Variants in CRNN observed in about 807,000 individuals in gnomAD.
CRNN encodes the protein cornulin.
In CRNN, 39 loss-of-function variants were observed where a neutral mutation model predicts 44.7. The ratio of observed to expected loss-of-function variants is 0.87; its 90% CI spans 0.68 to 1.14. The LOEUF (loss-of-function observed/expected upper bound fraction) is 1.14. Ranked by LOEUF, CRNN falls within the 50% of genes most tolerant of loss-of-function variation. The probability of loss-of-function intolerance (pLI) is 0.00; values close to 1 mark genes in which losing one functional copy is unlikely to be tolerated. For synonymous variants in CRNN, 240 were observed against 231.8 expected, an observed-to-expected ratio of 1.04 and a Z score of -0.32; for missense variants, 606 against 605.1, an observed-to-expected ratio of 1.00 and a Z score of -0.02.
At chr1:152,411,437 C>T (rs1655762703) in intron 2 of CRNN, among the ~76,000 whole-genome samples, 1 of 152,212 alleles carries the variant, frequency 6.6e-6, no homozygotes, top group Admixed American at 6.5e-5. Flanking sequence ...TGCAGCGCTG[C>T]CCTGAGCATG....
chr1:152,412,032 T>C, intron 2 of CRNN, 64 bp downstream of exon 2: 1 of 1,508,348 alleles, frequency 6.6e-7, no homozygotes, highest in East Asian at 2.4e-5. Flanking sequence ...GCAAGGCCTC[T>C]GCAGGCAAAC....
At chr1:152,413,285 T>C (rs570375846) in intron 1 of CRNN, among the ~76,000 whole-genome samples, 2 of 152,284 alleles carry the variant, frequency 1.3e-5, no homozygotes, top group African/African-American at 4.8e-5. Flanking sequence ...AGGTGAGGCC[T>C]GGGTTTGGTT....
intron 2 of CRNN, among the ~76,000 whole-genome samples, chr1:152,411,679 C>T (rs759869140): frequency 6.6e-6 from 1 of 152,140 alleles, no homozygotes; most frequent in Non-Finnish European, 1.5e-5. Flanking sequence ...CTGCTTCGTG[C>T]AAGCCCAGAG....
At chr1:152,411,982 G>C in intron 2 of CRNN, 114 bp downstream of exon 2, 1 of 1,173,962 alleles carries the variant, frequency 8.5e-7, no homozygotes, top group Non-Finnish European at 1.2e-6. Context: ...ATCTGTCCCG[G>C]CAGGCCTGGG....
At position 152,410,479 on chromosome 1, in the gene CRNN, AT is replaced by A; in HGVS notation, c.602del (p.Asn201IlefsTer6). On this transcript the variant is annotated frameshift_variant, in exon 3 of 3. Transcript: ENST00000271835. LOFTEE classifies it high-confidence loss of function. ...QTQKAGEGKRNQTTEMRPERQ... is the reference protein window; with the variant it reads ...QTQKAGEGKRXQTTEMRPERQ... ...TCTCTGGCCTCATCTCTGTTGTCTG[AT>A]TCCTCTTGCCTTCTCCAGCTTTCTG... 6.2e-7 allele frequency: 1 copy of A among 1,613,748 alleles called. No homozygotes were observed. Among genetic ancestry groups the A allele is most frequent in the East Asian group, 2.2e-5 (1 of 44,850 alleles).
At chr1:152,411,032 T>G in intron 2 of CRNN, 89 bp from the exon 3 acceptor site, 2 of 1,493,386 alleles carry the variant, frequency 1.3e-6, no homozygotes, top group African/African-American at 1.4e-5. Context: ...TTCCCCTGCC[T>G]CAGACCCCAC....
At position 152,412,148 on chromosome 1, in the gene CRNN, G is replaced by C; in HGVS notation, c.86C>G (p.Thr29Ser). ...ARTEGNCTAL[T>S]RGELKRLLEQ... ...CAAGAGTCTTTTCAGCTCCCCTCGGGTGAGCGCTGTGCAGTTGCCCTCCGT... is the reference window on the plus strand; with the variant it reads ...CAAGAGTCTTTTCAGCTCCCCTCGGCTGAGCGCTGTGCAGTTGCCCTCCGT... The change falls in exon 2 of 3, where the codon ACC becomes AGC. Residue 29 changes from threonine (T) to serine (S), a missense_variant. Coordinates refer to ENST00000271835, the MANE Select transcript of CRNN (RefSeq NM_016190.3). 1.9e-6 allele frequency: 3 copies of C among 1,613,558 alleles called. No individual in the cohort carries two copies. Among genetic ancestry groups the C allele is most frequent in the Non-Finnish European group, 2.5e-6 (3 of 1,179,560 alleles).
rs148862035 is a variant in CRNN at position 152,409,900 on chromosome 1, C to T, written c.1182G>A (p.Glu394=). 83 of 1,614,240 alleles carry T rather than the reference C, an allele frequency of 5.1e-5. No individual in the cohort carries two copies. The African/African-American group carries it at 8.8e-4, about 17-fold the overall frequency. The change falls in exon 3 of 3, where the codon GAG becomes GAA. Residue 394 remains glutamate (E), a synonymous_variant. Coordinates refer to ENST00000271835, the MANE Select transcript of CRNN (RefSeq NM_016190.3). The part of the protein sequence containing the change: ...GQRWMQVSNP[E]AGETVPGGQA... ...GTCCTCCCGGTACTGTCTCTCCTGC[C>T]TCAGGGTTGCTCACTTGCATCCATC...
rs768733304 is a variant in CRNN, at chr1:152,410,000, TCCTGCTCCACAGTCTCGGTGTGTGAC to T, written c.1056_1081del (p.Ser353GlnfsTer11). 3.7e-6 allele frequency: 6 copies of T among 1,614,136 alleles called. No homozygotes were observed. The South Asian group carries it at 6.6e-5, about 18-fold the overall frequency. On this transcript the variant is annotated frameshift_variant, in exon 3 of 3. Coordinates refer to ENST00000271835, the MANE Select transcript of CRNN (RefSeq NM_016190.3). LOFTEE classifies it high-confidence loss of function. ...TCCGTGGCTTACAGTTTGGCTTCTG[TCCTGCTCCACAGTCTCGGTGTGTGAC>T]CCTGCCTGTATCTGAGTGTGTCCTC...
chr1:152,409,422 G>A lies in CRNN; in HGVS notation c.*172C>T. The A allele has an allele frequency of 1.6e-6, 2 of 1,248,434 alleles. No homozygotes were observed. Among genetic ancestry groups the A allele is most frequent in the Non-Finnish European group, 1.1e-6 (1 of 929,192 alleles). The allele number at this position is 1,248,434 out of a possible 1,614,324, so 77.3% of individuals were successfully genotyped here. On this transcript the variant is annotated 3_prime_UTR_variant, in exon 3 of 3. Coordinates refer to ENST00000271835, the MANE Select transcript of CRNN (RefSeq NM_016190.3). Reference sequence around the variant, plus strand: ...ACCGCAAAGCAGGTAAGAAAGAAGAGTTCAGGATAGAAAGCTCCTTGCAGA... The same window carrying A: ...ACCGCAAAGCAGGTAAGAAAGAAGAATTCAGGATAGAAAGCTCCTTGCAGA...
rs766612612 is a variant in CRNN at position 152,410,191 on chromosome 1, T to C, written c.891A>G (p.Thr297=). 6.2e-7 allele frequency: 1 copy of C among 1,605,518 alleles called. No homozygotes were observed. The highest frequency in any genetic ancestry group is 8.5e-7 in the Non-Finnish European group (1 of 1,178,060). ...AQIQAGTHTQ[T]PTQTVEQDSS... Reference sequence around the variant, plus strand: ...TGTCCTGCTCCACGGTCTGGGTGGGTGTCTGGGTGTGTGTCCCTGCCTGTA... The same window carrying C: ...TGTCCTGCTCCACGGTCTGGGTGGGCGTCTGGGTGTGTGTCCCTGCCTGTA... Residue 297 remains threonine (T), a synonymous_variant, in exon 3 of 3, where the codon ACA becomes ACG. Transcript: ENST00000271835.
Position 152,410,559 on chromosome 1 carries a change from T to C in CRNN, c.523A>G (p.Ser175Gly), listed in dbSNP as rs760275935. Residue 175 changes from serine (S) to glycine (G), a missense_variant, in exon 3 of 3, where the codon AGC becomes GGC. Physicochemically the swap from Ser to Gly is moderately conservative, Grantham distance 56 (BLOSUM62 0). Coordinates refer to ENST00000271835, the MANE Select transcript of CRNN (RefSeq NM_016190.3). ...ATCTGCGGGCTTATTCTTTCCTGGC[T>C]CTGGGACTCAGCTTGCCTGTCATAG... The part of the protein sequence containing the change: ...SSYDRQAESQ[S>G]QERISPQIQL... 113 of 1,614,030 alleles carry C rather than the reference T, an allele frequency of 7.0e-5. No homozygotes were observed. The highest frequency in any genetic ancestry group is 5.7e-5 in the Non-Finnish European group (67 of 1,180,020).
At chr1:152,413,770 C>A (rs1655835601) in intron 1 of CRNN, among the ~76,000 whole-genome samples, 1 of 152,138 alleles carries the variant, frequency 6.6e-6, no homozygotes, top group Admixed American at 6.5e-5. Context: ...TTAGAAAAAT[C>A]TACACATATT....
chr1:152,410,155 C>G lies in CRNN; in HGVS notation c.927G>C (p.Gln309His), dbSNP rs780338833. ...TQTVEQDSSH[Q>H]TGSTSTQTQE... ...GTGTCTGGGTGCTGGTGCTTCCTGT[C>G]TGGTGGCTGCTGTCCTGCTCCACGG... is the stretch of plus-strand genomic sequence containing the variant. The change falls in exon 3 of 3, where the codon CAG (glutamine) becomes CAC (histidine). Residue 309 changes from glutamine to histidine, a missense_variant. By Grantham distance (24) the Gln-to-His change is conservative. Transcript: ENST00000271835. 1 of 1,612,150 alleles carries G rather than the reference C, an allele frequency of 6.2e-7. No homozygotes were observed. The highest frequency in any genetic ancestry group is 1.3e-5 in the African/African-American group (1 of 74,198).
In CRNN at chr1:152,409,865, G is replaced by T; in HGVS notation, c.1217C>A (p.Thr406Asn). 2 of 1,614,178 alleles carry T rather than the reference G, an allele frequency of 1.2e-6. No individual in the cohort carries two copies. Among genetic ancestry groups the T allele is most frequent in the Admixed American group, 1.7e-5 (1 of 60,024 alleles). Reference sequence around the variant, plus strand: ...CCTTCCTGACTCAGTGCTTGCCCCAGTCTGGGCCTGTCCTCCCGGTACTGT... The same window carrying T: ...CCTTCCTGACTCAGTGCTTGCCCCATTCTGGGCCTGTCCTCCCGGTACTGT... ...GETVPGGQAQ[T>N]GASTESGRQE... is the part of the protein sequence containing the mutation. Residue 406 changes from threonine (T) to asparagine (N), a missense_variant, in exon 3 of 3, where the codon ACT (threonine) becomes AAT (asparagine). Physicochemically the swap from Thr to Asn is moderately conservative, Grantham distance 65 (BLOSUM62 0). Coordinates refer to ENST00000271835, the MANE Select transcript of CRNN (RefSeq NM_016190.3).
At chr1:152,413,093 C>T (rs1655818822) in intron 1 of CRNN, among the ~76,000 whole-genome samples, 1 of 152,126 alleles carries the variant, frequency 6.6e-6, no homozygotes, top group Non-Finnish European at 1.5e-5. Context: ...CCTTCCAGTT[C>T]TGAGGGTCCA....
chr1:152,413,325 A>G (rs1655823695), intron 1 of CRNN, among the ~76,000 whole-genome samples: 1 of 152,214 alleles, frequency 6.6e-6, no homozygotes, highest in Admixed American at 6.5e-5. Flanking sequence ...AGACTTGAAG[A>G]TTCATTAAGC....
At position 152,409,541 on chromosome 1, in the gene CRNN, C is replaced by G; in HGVS notation, c.*53G>C. 3.8e-6 allele frequency: 6 copies of G among 1,564,348 alleles called. No individual in the cohort carries two copies. Among genetic ancestry groups the G allele is most frequent in the Non-Finnish European group, 5.2e-6 (6 of 1,154,460 alleles). On this transcript the variant is annotated 3_prime_UTR_variant, in exon 3 of 3. Coordinates refer to ENST00000271835, the MANE Select transcript of CRNN (RefSeq NM_016190.3). ...CACTGGATTGGCCATGCAGGACAAG[C>G]CAAACTCTCTCCAGCTGTCTTCTTC...
Position 152,410,309 on chromosome 1 carries a change from T to C in CRNN, c.773A>G (p.Gln258Arg), listed in dbSNP as rs372912754. 2.4e-5 allele frequency: 39 copies of C among 1,613,986 alleles called. No individual in the cohort carries two copies. The highest frequency in any genetic ancestry group is 3.1e-5 in the Non-Finnish European group (36 of 1,180,016). ...HQTGRTSKQT[Q>R]EATNDQNRGT... is the part of the protein sequence containing the mutation. ...TCTGTTCTGGTCATTGGTGGCCTCC[T>C]GTGTCTGCTTGCTGGTTCTTCCTGT... Residue 258 changes from glutamine (Q) to arginine (R), a missense_variant, in exon 3 of 3, where the codon CAG (glutamine) becomes CGG (arginine). Transcript: ENST00000271835.
Sources: allele counts gnomAD v4.1 joint callset (sites outside exome capture counted in the v4.1 genomes callset), GRCh38; gene constraint gnomAD v4.1.1; transcripts MANE v1.5; gene names NCBI Gene and HGNC (gene_info 2026-07-23, HGNC 2026-07-21).